Variants in NBAS observed in about 807,000 individuals in gnomAD.
The protein encoded by NBAS is NBAS subunit of NRZ tethering complex, also known as NAG/BC035112 fusion.
Under a neutral mutation model 302.5 loss-of-function variants are expected in NBAS, and 219 were observed. That is an observed-to-expected ratio of 0.72 (90% CI 0.65 to 0.81). The LOEUF is 0.81. Ranked by LOEUF, NBAS falls within the 30% of genes least tolerant of loss-of-function variation. The pLI, the probability that NBAS is intolerant of heterozygous loss-of-function variation, is 0.00. For missense variants in NBAS, 2,932 were observed against 2,841.6 expected, an observed-to-expected ratio of 1.03 and a Z score of -0.72; for synonymous variants, 1,118 against 1,021.6, an observed-to-expected ratio of 1.09 and a Z score of -1.80.
At chr2:15,300,893 G>T (rs1346234295) in intron 40 of NBAS, among the ~76,000 whole-genome samples, 1 of 152,176 alleles carries the variant, frequency 6.6e-6, no homozygotes, top group South Asian at 2.1e-4. Context: ...TGGGGAACTG[G>T]ATCTGCATGT....
At chr2:15,081,764 G>C in the NBAS span, among the ~76,000 whole-genome samples, 1 of 152,162 alleles carries the variant, frequency 6.6e-6, no homozygotes. Context: ...GTCAACCCAG[G>C]TGTGACTCAG....
chr2:15,502,806 T>G (rs1157722445), intron 11 of NBAS, among the ~76,000 whole-genome samples: 1 of 152,218 alleles, frequency 6.6e-6, no homozygotes, highest in Non-Finnish European at 1.5e-5. Flanking sequence ...TACATTCATT[T>G]TTTTAAACTT....
At chr2:15,346,478 G>A (rs1384970823) in intron 35 of NBAS, among the ~76,000 whole-genome samples, 5 of 152,046 alleles carry the variant, frequency 3.3e-5, no homozygotes, top group African/African-American at 4.8e-5. Context: ...TTAGAATAGC[G>A]ATTATTTTAA....
At chr2:14,820,987 T>A in the NBAS span, among the ~76,000 whole-genome samples, 1 of 151,916 alleles carries the variant, frequency 6.6e-6, no homozygotes, top group African/African-American at 2.4e-5. Context: ...TGGAGTGCAG[T>A]GGCGCGATCT....
At chr2:15,544,570 C>G (rs1664012657) in intron 6 of NBAS, among the ~76,000 whole-genome samples, 1 of 152,084 alleles carries the variant, frequency 6.6e-6, no homozygotes, top group South Asian at 2.1e-4. Flanking sequence ...AACTCAAAAG[C>G]TATCAAGGCA....
intron 4 of NBAS, 141 bp downstream of exon 4, chr2:15,553,917 AAAC>A: frequency 1.3e-6 from 1 of 751,214 alleles, no homozygotes; most frequent in Non-Finnish European, 2.3e-6. Flanking sequence ...TAAAAAGTTT[AAAC>A]AATACTAAAT....
Position 15,504,138 on chromosome 2 carries a change from G to T in NBAS, c.954+7C>A. The stretch of plus-strand genomic sequence containing the variant: ...AAGCCCACCATAGTTAAGCCAATTT[G>T]TGTTACCTGTTCTTGTCCCTGGCGA... On this transcript the variant is annotated splice_region_variant and intron_variant, in intron 11 of 51. Coordinates refer to ENST00000281513, the MANE Select transcript of NBAS (RefSeq NM_015909.4). 2 of 1,610,854 alleles carry T rather than the reference G, an allele frequency of 1.2e-6. No individual in the cohort carries two copies. The highest frequency in any genetic ancestry group is 1.7e-6 in the Non-Finnish European group (2 of 1,177,116).
At chr2:14,965,280 A>AC in the NBAS span, among the ~76,000 whole-genome samples, 47 of 152,026 alleles carry the variant, frequency 3.1e-4, no homozygotes, top group Admixed American at 7.2e-4. Context: ...TAAAATTGAG[A>AC]CCCCCCCTAC....
chr2:14,928,402 T>A, the NBAS span, among the ~76,000 whole-genome samples: 2 of 152,212 alleles, frequency 1.3e-5, no homozygotes, highest in East Asian at 3.8e-4. Flanking sequence ...GAGTTAAATA[T>A]ATCTTTATTT....
chr2:14,892,802 A>G, the NBAS span, among the ~76,000 whole-genome samples: 1 of 151,540 alleles, frequency 6.6e-6, no homozygotes, highest in Non-Finnish European at 1.5e-5. Flanking sequence ...CTTTTTGAAT[A>G]CTCTGTTTGG....
chr2:15,492,730 A>T (rs1680913627), intron 11 of NBAS, among the ~76,000 whole-genome samples: 1 of 152,054 alleles, frequency 6.6e-6, no homozygotes, highest in Non-Finnish European at 1.5e-5. Flanking sequence ...CAAAGTGTTG[A>T]GATTACAGGT....
chr2:14,902,041 C>T, the NBAS span, among the ~76,000 whole-genome samples: 35,930 of 152,148 alleles, frequency 0.24, 4,423 homozygotes, highest in Non-Finnish European at 0.27. Flanking sequence ...TGACTACCTC[C>T]CAAGCTTCCT....
the NBAS span, among the ~76,000 whole-genome samples, chr2:14,831,885 T>C: frequency 1.3e-5 from 2 of 152,212 alleles, no homozygotes; most frequent in Non-Finnish European, 2.9e-5. Context: ...AGATACTCCA[T>C]AGACATTAGA....
At chr2:14,877,146 C>G in the NBAS span, among the ~76,000 whole-genome samples, 1 of 152,190 alleles carries the variant, frequency 6.6e-6, no homozygotes, top group Non-Finnish European at 1.5e-5. Flanking sequence ...TGCCTTTTGA[C>G]TTAATCCCTC....
At chr2:15,430,547 T>C (rs904663561) in intron 21 of NBAS, among the ~76,000 whole-genome samples, 1 of 152,190 alleles carries the variant, frequency 6.6e-6, no homozygotes, top group Non-Finnish European at 1.5e-5. Flanking sequence ...TCTAATGTAG[T>C]AGATATTATC....
chr2:15,131,882 G>A, the NBAS span, among the ~76,000 whole-genome samples: 1 of 152,152 alleles, frequency 6.6e-6, no homozygotes, highest in African/African-American at 2.4e-5. Flanking sequence ...AGGAGCAAGG[G>A]AGGGGGTGGT....
intron 38 of NBAS, among the ~76,000 whole-genome samples, chr2:15,327,414 C>T (rs1672120764): frequency 1.3e-5 from 2 of 152,156 alleles, no homozygotes; most frequent in Non-Finnish European, 2.9e-5. Flanking sequence ...ATATGATCTA[C>T]ATTCTATTAA....
At chr2:15,378,300 A>C (rs1674854807) in intron 30 of NBAS, among the ~76,000 whole-genome samples, 1 of 152,220 alleles carries the variant, frequency 6.6e-6, no homozygotes, top group African/African-American at 2.4e-5. Flanking sequence ...GACAAAGAGA[A>C]ACAAAACAGA....
At chr2:14,906,142 T>C in the NBAS span, among the ~76,000 whole-genome samples, 1 of 152,094 alleles carries the variant, frequency 6.6e-6, no homozygotes, top group South Asian at 2.1e-4. Flanking sequence ...GTAGTAGTAG[T>C]AGCAACAGTA....
Sources: allele counts gnomAD v4.1 joint callset (sites outside exome capture counted in the v4.1 genomes callset), GRCh38; gene constraint gnomAD v4.1.1; transcripts MANE v1.5; gene names NCBI Gene and HGNC (gene_info 2026-07-23, HGNC 2026-07-21).